The following TBC1D31 variants were observed in gnomAD, a reference collection of about 807,000 sequenced individuals.
TBC1D31 encodes WD repeat domain 67.
A neutral mutation model predicts 132.9 loss-of-function variants in TBC1D31; 99 were observed. The ratio of observed to expected loss-of-function variants is 0.74; its 90% confidence interval spans 0.63 to 0.88. TBC1D31 has a LOEUF of 0.88. TBC1D31 is among the 40% of genes least tolerant of loss of function. The probability of loss-of-function intolerance (pLI) is 0.00; values close to 1 mark genes in which losing one functional copy is unlikely to be tolerated. For synonymous variants in TBC1D31, 385 were observed against 419.4 expected, an observed-to-expected ratio of 0.92 and a Z score of 1.00; for missense variants, 1,134 against 1,256.6, an observed-to-expected ratio of 0.90 and a Z score of 1.48.
chr8:123,145,692 T>TAAA (rs11434734), intron 20 of TBC1D31, among the ~76,000 whole-genome samples: 10,669 of 141,346 alleles, frequency 0.075, 505 homozygotes, highest in Admixed American at 0.16. Context: ...CCTGTCTCTT[T>TAAA]AAAAAAAAAA....
intron 11 of TBC1D31, 58 bp downstream of exon 11, chr8:123,120,246 A>T: frequency 7.0e-7 from 1 of 1,418,968 alleles, no homozygotes; most frequent in Non-Finnish European, 9.6e-7. Context: ...CATTTTCCTG[A>T]TGTCTTTGCA....
At position 123,117,821 on chromosome 8, in the gene TBC1D31, T is replaced by C. The variant is rs1223487692; in HGVS notation, c.1437-2234T>C. Among the ~76,000 whole-genome samples, 10 of 151,566 alleles carry C rather than the reference T, an allele frequency of 6.6e-5. 1 individual carries two copies. Among genetic ancestry groups the C allele is most frequent in the Non-Finnish European group, 1.2e-4 (8 of 67,910 alleles). On this transcript the variant is annotated intron_variant, in intron 10 of 21. Transcript: ENST00000287380. The stretch of plus-strand genomic sequence containing the variant: ...GGCACACACCTATAGTCCTAGCTAC[T>C]TGTGGCTGAAATGGAAGAATTCCTT...
intron 11 of TBC1D31, among the ~76,000 whole-genome samples, chr8:123,122,033 T>C (rs886145045): frequency 6.6e-6 from 1 of 152,216 alleles, no homozygotes; most frequent in Non-Finnish European, 1.5e-5. Context: ...AATTTAACAA[T>C]GTTATATACA....
chr8:123,142,963 A>G (rs886349197), intron 19 of TBC1D31, among the ~76,000 whole-genome samples: 2 of 152,242 alleles, frequency 1.3e-5, no homozygotes, highest in Non-Finnish European at 2.9e-5. Flanking sequence ...GACTATGAAC[A>G]GGATAGAAAT....
At chr8:123,122,943 T>C (rs561377422) in intron 11 of TBC1D31, among the ~76,000 whole-genome samples, 2 of 152,302 alleles carry the variant, frequency 1.3e-5, no homozygotes, top group Non-Finnish European at 1.5e-5. Flanking sequence ...TTTTACTCAA[T>C]AAACATTTAT....
intron 4 of TBC1D31, among the ~76,000 whole-genome samples, chr8:123,089,183 TG>T (rs1486631557): frequency 6.6e-6 from 1 of 152,158 alleles, no homozygotes; most frequent in African/African-American, 2.4e-5. Context: ...GATACTCAAT[TG>T]GTGAGTATAA....
At chr8:123,079,784 T>C (rs1814946973) in intron 2 of TBC1D31, among the ~76,000 whole-genome samples, 1 of 152,182 alleles carries the variant, frequency 6.6e-6, no homozygotes, top group Non-Finnish European at 1.5e-5. Context: ...ACCTTCAAGC[T>C]TTCCTTTCTC....
In TBC1D31 at chr8:123,106,420, A is replaced by G. The variant is rs115733534; in HGVS notation, c.1209+956A>G. Among the ~76,000 whole-genome samples the G allele has an allele frequency of 2.0e-3, 308 of 152,366 alleles. 1 individual carries two copies. Among genetic ancestry groups the G allele is most frequent in the African/African-American group, 7.0e-3 (292 of 41,584 alleles). ...ACTTAAAAAACTTCTGTAGAGCACA[A>G]AAGTACTGATACTGACATATTGTCA... On this transcript the variant is annotated intron_variant, in intron 8 of 21. Coordinates refer to ENST00000287380, the MANE Select transcript of TBC1D31 (RefSeq NM_145647.4).
intron 4 of TBC1D31, among the ~76,000 whole-genome samples, chr8:123,088,707 A>G (rs564876236): frequency 1.4e-4 from 22 of 152,214 alleles, no homozygotes; most frequent in African/African-American, 4.6e-4. Context: ...GTTTGTTTTG[A>G]TTGCACATGC....
At chr8:123,140,229 G>A (rs35172504) in intron 17 of TBC1D31, among the ~76,000 whole-genome samples, 10,914 of 152,198 alleles carry the variant, frequency 0.072, 525 homozygotes, top group Admixed American at 0.16. Flanking sequence ...AGGTGTGGTG[G>A]CATGCACCTG....
intron 7 of TBC1D31, chr8:123,104,226 C>T (rs576884476): frequency 1.3e-5 from 2 of 152,036 alleles, no homozygotes; most frequent in African/African-American, 4.8e-5. Flanking sequence ...AACAAGTATC[C>T]TTTTTGTGGT....
chr8:123,101,938 G>A (rs975178149), intron 7 of TBC1D31, among the ~76,000 whole-genome samples: 2 of 152,104 alleles, frequency 1.3e-5, no homozygotes, highest in African/African-American at 4.8e-5. Context: ...TCCTTCGCCT[G>A]TTGAATTAAG....
chr8:123,150,848 AT>A (rs571085595), intron 21 of TBC1D31, among the ~76,000 whole-genome samples: 3 of 152,112 alleles, frequency 2.0e-5, no homozygotes, highest in East Asian at 1.9e-4. Context: ...ACTTTCAACT[AT>A]TTTTTTTCAA....
chr8:123,150,223 C>T (rs779442505), intron 21 of TBC1D31, 95 bp downstream of exon 21: 20 of 892,868 alleles, frequency 2.2e-5, no homozygotes, highest in Non-Finnish European at 3.2e-5. Context: ...AGCATGTGGA[C>T]GCCATTTTCC....
rs535513632 is a variant in TBC1D31, at chr8:123,092,673, A to G, written c.520-918A>G. Among the ~76,000 whole-genome samples, 3 of 152,100 alleles carry G rather than the reference A, an allele frequency of 2.0e-5. No homozygotes were observed. The East Asian group carries it at 5.8e-4, about 29-fold the overall frequency. On this transcript the variant is annotated intron_variant, in intron 4 of 21. Coordinates refer to ENST00000287380, the MANE Select transcript of TBC1D31 (RefSeq NM_145647.4). ...ATGTATGTGCTTTCTTTTTGAAGAC[A>G]GAGTCTTGCTCTGTCACCCAGGCTG... is the stretch of plus-strand genomic sequence containing the variant.
downstream of TBC1D31, among the ~76,000 whole-genome samples, chr8:123,156,371 G>GT (rs1197059664): frequency 4.0e-5 from 6 of 151,508 alleles, no homozygotes; most frequent in East Asian, 1.2e-3. Context: ...AACCTGGGAG[G>GT]CGGAGGTTGC....
chr8:123,094,763 A>G (rs1045779196), intron 5 of TBC1D31, among the ~76,000 whole-genome samples: 3 of 151,176 alleles, frequency 2.0e-5, no homozygotes, highest in Admixed American at 2.0e-4. Flanking sequence ...CTGGTCTCGA[A>G]CTCCTGACCT....
intron 20 of TBC1D31, 131 bp from the exon 21 acceptor site, chr8:123,149,905 C>G (rs760918213): frequency 6.9e-6 from 4 of 580,560 alleles, no homozygotes; most frequent in Non-Finnish European, 1.2e-5. Flanking sequence ...TGACCGCATT[C>G]TTCTTAAAAT....
At chr8:123,102,104 C>T (rs1207153945) in intron 7 of TBC1D31, 1 of 386,788 alleles carries the variant, frequency 2.6e-6, no homozygotes, top group Non-Finnish European at 5.2e-6. Flanking sequence ...AAAATGCATG[C>T]CTCACTTCTC....
Sources: allele counts gnomAD v4.1 joint callset (sites outside exome capture counted in the v4.1 genomes callset), GRCh38; gene constraint gnomAD v4.1.1; transcripts MANE v1.5; gene names NCBI Gene and HGNC (gene_info 2026-07-23, HGNC 2026-07-21).